The following SMKR1 variants were observed in gnomAD, a reference collection of about 807,000 sequenced individuals.
SMKR1 encodes small lysine-rich protein 1.
In SMKR1, 4 loss-of-function variants were observed where a neutral mutation model predicts 4.0. That is an observed-to-expected ratio of 1.00 (90% confidence interval 0.49 to 2.30). The LOEUF (loss-of-function observed/expected upper bound fraction) is 2.30, where lower values mean the gene tolerates loss of function less well. SMKR1 is among the 30% of genes most tolerant of loss of function. SMKR1 has a pLI of 0.02. For synonymous variants in SMKR1, 38 were observed against 32.5 expected (o/e 1.17, Z -0.58); for missense variants, 56 against 81.8 (o/e 0.68, Z 1.22).
chr7:129,502,745 G>C lies in SMKR1; in HGVS notation c.-80G>C, dbSNP rs764248112. 9.8e-6 allele frequency: 15 copies of C among 1,532,572 alleles called. No individual in the cohort carries two copies. Among genetic ancestry groups the C allele is most frequent in the Middle Eastern group, 1.7e-4 (1 of 5,910 alleles). 94.9% of individuals were successfully genotyped at this position (1,532,572 alleles called of 1,614,324 possible). A position where few individuals can be genotyped will look rare whatever the true frequency, so the allele number is the denominator to read the frequency against. On this transcript the variant is annotated 5_prime_UTR_variant, in exon 1 of 2. Coordinates refer to ENST00000462322, the MANE Select transcript of SMKR1 (RefSeq NM_001195243.2). ...GGGGGTGCTAGGGGAACGGGCGCTG[G>C]GGGCAGCGGCCCCGGTGGATGCTAA...
At chr7:129,512,211 C>A in intron 1 of SMKR1, 36 bp from the exon 2 acceptor site, 2 of 1,480,482 alleles carry the variant, frequency 1.4e-6, no homozygotes, top group Non-Finnish European at 1.8e-6. Context: ...AAAAAACTAA[C>A]TTCCCTCCTC....
At position 129,512,508 on chromosome 7, in the gene SMKR1, A is replaced by C; in HGVS notation, c.*67A>C. ...GGGGAAGAGAAGTCAGGATAACACAACTGTTGCCAGCAACATAGACTTTAC... is the reference window on the plus strand; with the variant it reads ...GGGGAAGAGAAGTCAGGATAACACACCTGTTGCCAGCAACATAGACTTTAC... On this transcript the variant is annotated 3_prime_UTR_variant, in exon 2 of 2. Coordinates refer to ENST00000462322, the MANE Select transcript of SMKR1 (RefSeq NM_001195243.2). The C allele has an allele frequency of 1.4e-6, 2 of 1,415,328 alleles. No individual in the cohort carries two copies. Among genetic ancestry groups the C allele is most frequent in the Non-Finnish European group, 1.9e-6 (2 of 1,076,512 alleles). The allele number at this position is 1,415,328 out of a possible 1,614,324, so 87.7% of individuals were successfully genotyped here. A position where few individuals can be genotyped will look rare whatever the true frequency, so the allele number is the denominator to read the frequency against.
intron 1 of SMKR1, among the ~76,000 whole-genome samples, chr7:129,505,965 T>C (rs1185031836): frequency 1.3e-5 from 2 of 152,146 alleles, no homozygotes; most frequent in Admixed American, 6.5e-5. Flanking sequence ...CTTAAGGAGT[T>C]TGGAGGGTTT....
chr7:129,506,599 C>T (rs1489724246), intron 1 of SMKR1, among the ~76,000 whole-genome samples: 2 of 152,008 alleles, frequency 1.3e-5, no homozygotes, highest in African/African-American at 2.4e-5. Flanking sequence ...TACTCCCTCC[C>T]AACCCTCCCA....
In SMKR1 at chr7:129,512,348, C is replaced by T; in HGVS notation, c.105C>T (p.Leu35=). The T allele has an allele frequency of 6.5e-7, 1 of 1,536,132 alleles. No individual in the cohort carries two copies. The highest frequency in any genetic ancestry group is 8.7e-7 in the Non-Finnish European group (1 of 1,146,918). ...DILSPAAMLN[L]YYIAHNVADC... ...TCAGCCCCGCGGCCATGCTGAACCT[C>T]TACTACATCGCCCACAACGTCGCTG... The change falls in exon 2 of 2, where the codon CTC becomes CTT. Residue 35 remains leucine (L), a synonymous_variant. Transcript: ENST00000462322.
chr7:129,512,624 T>C lies in SMKR1; in HGVS notation c.*183T>C, dbSNP rs539015748. On this transcript the variant is annotated 3_prime_UTR_variant, in exon 2 of 2. Transcript: ENST00000462322. The stretch of plus-strand genomic sequence containing the variant: ...CTTACTTCCTCTGTTATGCCAGATA[T>C]GGTTAGCCACTTTGGTTTTTTAGGA... 3.1e-6 allele frequency: 2 copies of C among 645,548 alleles called. No individual in the cohort carries two copies. The highest frequency in any genetic ancestry group is 3.2e-5 in the East Asian group (1 of 31,270). The allele number at this position is 645,548 out of a possible 1,614,324, so 40.0% of individuals were successfully genotyped here.
rs555156906 is a variant in SMKR1 at position 129,509,835 on chromosome 7, G to A, written c.4-2412G>A. ...ATTACAGGCGTGAGCCAGCGCGCCC[G>A]GCCTATTTTAGTAGTTGTAACACAT... On this transcript the variant is annotated intron_variant, in intron 1 of 1. Coordinates refer to ENST00000462322, the MANE Select transcript of SMKR1 (RefSeq NM_001195243.2). Among the ~76,000 whole-genome samples, 32 of 152,266 alleles carry A rather than the reference G, an allele frequency of 2.1e-4. 1 individual carries two copies. The East Asian group carries it at 5.6e-3, about 27-fold the overall frequency.
chr7:129,503,665 G>A (rs566049010), intron 1 of SMKR1, among the ~76,000 whole-genome samples: 132 of 152,200 alleles, frequency 8.7e-4, no homozygotes, highest in Middle Eastern at 3.4e-3. Context: ...CACCTCTGGT[G>A]CTTTGCCTGT....
chr7:129,503,277 T>A (rs1274099899), intron 1 of SMKR1, among the ~76,000 whole-genome samples: 2 of 148,712 alleles, frequency 1.3e-5, no homozygotes, highest in Non-Finnish European at 2.9e-5. Flanking sequence ...GCATTCCTGT[T>A]CTCAGCCCTC....
intron 1 of SMKR1, among the ~76,000 whole-genome samples, chr7:129,508,311 C>G (rs1005255876): frequency 2.6e-5 from 4 of 151,874 alleles, no homozygotes; most frequent in Admixed American, 6.6e-5. Context: ...AAATGTGGAT[C>G]TATTTCTGGA....
intron 1 of SMKR1, among the ~76,000 whole-genome samples, chr7:129,507,958 T>C (rs1190794203): frequency 1.3e-5 from 2 of 152,194 alleles, no homozygotes; most frequent in Admixed American, 6.5e-5. Flanking sequence ...CTGAGGCTTG[T>C]CTTTTCATTC....
intron 1 of SMKR1, among the ~76,000 whole-genome samples, chr7:129,505,106 T>C (rs553250707): frequency 6.6e-6 from 1 of 152,390 alleles, no homozygotes; most frequent in African/African-American, 2.4e-5. Context: ...TCAGTTGTGA[T>C]GTATTCATTC....
chr7:129,502,720 G>C lies in SMKR1; in HGVS notation c.-105G>C. On this transcript the variant is annotated 5_prime_UTR_variant, in exon 1 of 2. Coordinates refer to ENST00000462322, the MANE Select transcript of SMKR1 (RefSeq NM_001195243.2). ...CCCTGAGGAGGGCCGAGAAGGGGCC[G>C]GGGGTGCTAGGGGAACGGGCGCTGG... The C allele has an allele frequency of 6.7e-7, 1 of 1,503,238 alleles. No homozygotes were observed. Among genetic ancestry groups the C allele is most frequent in the Non-Finnish European group, 8.9e-7 (1 of 1,119,552 alleles). The allele number at this position is 1,503,238 out of a possible 1,614,324, so 93.1% of individuals were successfully genotyped here.
At chr7:129,511,663 C>T (rs986984404) in intron 1 of SMKR1, among the ~76,000 whole-genome samples, 24 of 152,078 alleles carry the variant, frequency 1.6e-4, no homozygotes, top group African/African-American at 5.1e-4. Context: ...AATTAGATTG[C>T]GTGTGACTTT....
intron 1 of SMKR1, among the ~76,000 whole-genome samples, chr7:129,503,248 C>CA (rs1399278521): frequency 6.6e-6 from 1 of 151,790 alleles, no homozygotes; most frequent in Non-Finnish European, 1.5e-5. Flanking sequence ...AGCCTGGTAC[C>CA]ACCACCTTGC....
At chr7:129,505,204 TG>T (rs1388292211) in intron 1 of SMKR1, among the ~76,000 whole-genome samples, 2 of 152,190 alleles carry the variant, frequency 1.3e-5, no homozygotes, top group African/African-American at 4.8e-5. Flanking sequence ...ACAGAATCTC[TG>T]GTGAGGGAAA....
At chr7:129,505,348 C>T (rs957167556) in intron 1 of SMKR1, among the ~76,000 whole-genome samples, 4 of 152,102 alleles carry the variant, frequency 2.6e-5, no homozygotes, top group African/African-American at 9.7e-5. Flanking sequence ...CTGTCCCTAG[C>T]CTGGGACAGT....
chr7:129,512,140 T>C (rs1799533065), intron 1 of SMKR1, 107 bp from the exon 2 acceptor site: 1 of 1,118,456 alleles, frequency 8.9e-7, no homozygotes, highest in Admixed American at 3.0e-5. Context: ...GCCAAGAGCA[T>C]GTCACTACAC....
chr7:129,512,028 C>T (rs1293152515), intron 1 of SMKR1, among the ~76,000 whole-genome samples: 2 of 151,876 alleles, frequency 1.3e-5, no homozygotes, highest in African/African-American at 4.8e-5. Flanking sequence ...ACTAAAAGTA[C>T]AAAAATTAGC....
Sources: allele counts gnomAD v4.1 joint callset (sites outside exome capture counted in the v4.1 genomes callset), GRCh38; gene constraint gnomAD v4.1.1; transcripts MANE v1.5; gene names NCBI Gene and HGNC (gene_info 2026-07-23, HGNC 2026-07-21).